CCDC82: variants seen among roughly 807,000 people sequenced by gnomAD.
CCDC82 encodes coiled-coil domain-containing protein 82.
In CCDC82, 47 loss-of-function variants were observed where a neutral mutation model predicts 60.6. The observed-to-expected ratio is 0.77, with a 90% CI of 0.61 to 0.99. CCDC82 has a LOEUF of 0.99. CCDC82 is among the 50% of genes least tolerant of loss of function. The pLI, the probability that CCDC82 is intolerant of heterozygous loss-of-function variation, is 0.00. For synonymous variants in CCDC82, 212 were observed against 207.4 expected (o/e 1.02, Z -0.19); for missense variants, 588 against 633.0 (o/e 0.93, Z 0.76).
chr11:96,368,263 A>G (rs542781263), intron 7 of CCDC82, among the ~76,000 whole-genome samples: 2 of 152,192 alleles, frequency 1.3e-5, no homozygotes, highest in Non-Finnish European at 2.9e-5. Context: ...GACCCGGTGC[A>G]CTGTCAATGA....
At chr11:96,360,121 T>TATATTA (rs1864565613) in intron 8 of CCDC82, among the ~76,000 whole-genome samples, 1 of 147,270 alleles carries the variant, frequency 6.8e-6, no homozygotes, top group Non-Finnish European at 1.5e-5. Flanking sequence ...ATATATTTAA[T>TATATTA]ATATATTAAT....
rs928531275 is a variant in CCDC82 at position 96,365,772 on chromosome 11, T to C, written c.1210-622A>G. Among the ~76,000 whole-genome samples, 3 of 152,222 alleles carry C rather than the reference T, an allele frequency of 2.0e-5. No individual in the cohort carries two copies. In the South Asian group the frequency reaches 6.2e-4, roughly 32 times the overall value. On this transcript the variant is annotated intron_variant, in intron 7 of 9. Transcript: ENST00000646818. Reference sequence around the variant, plus strand: ...ATAAATAAGCTTCATTATTAAGCTATGAAGTTACTTGTGCCTGAGTATTTC... The same window carrying C: ...ATAAATAAGCTTCATTATTAAGCTACGAAGTTACTTGTGCCTGAGTATTTC...
Position 96,361,870 on chromosome 11 carries a change from T to TA in CCDC82, c.1381-2693dup, listed in dbSNP as rs1442245905. Among the ~76,000 whole-genome samples, 4 of 152,236 alleles carry TA rather than the reference T, an allele frequency of 2.6e-5. No homozygotes were observed. The East Asian group carries it at 5.8e-4, about 22-fold the overall frequency. On this transcript the variant is annotated intron_variant, in intron 8 of 9. Coordinates refer to ENST00000646818, the MANE Select transcript of CCDC82 (RefSeq NM_024725.4). ...AACTATTCTAACAAGAAAATTAGTA[T>TA]AAAAAATACCAGAGAAAAATAGGTG...
rs572266188 is a variant in CCDC82 at position 96,369,365 on chromosome 11, T to C, written c.1209+1648A>G. On this transcript the variant is annotated intron_variant, in intron 7 of 9. Coordinates refer to ENST00000646818, the MANE Select transcript of CCDC82 (RefSeq NM_024725.4). ...AGCCTATCTGAACTTTTGACATGCTTTCCTCAAAAAGCTTAATCATTTCTC... is the reference window on the plus strand; with the variant it reads ...AGCCTATCTGAACTTTTGACATGCTCTCCTCAAAAAGCTTAATCATTTCTC... Among the ~76,000 whole-genome samples the C allele has an allele frequency of 2.6e-5, 4 of 152,360 alleles. No homozygotes were observed. In the South Asian group the frequency reaches 8.3e-4, roughly 32 times the overall value.
At chr11:96,385,888 T>C (rs1300831686) in intron 3 of CCDC82, 1 of 143,458 alleles carries the variant, frequency 7.0e-6, no homozygotes, top group Non-Finnish European at 1.5e-5. Flanking sequence ...TCAAACTACA[T>C]GTTAGAGGTA....
At chr11:96,357,128 GGACA>G (rs772957549) in intron 9 of CCDC82, 36 of 985,230 alleles carry the variant, frequency 3.7e-5, no homozygotes, top group African/African-American at 8.7e-5. Context: ...ACAGTGAGAG[GGACA>G]GACAGAGTGA....
chr11:96,382,667 T>A (rs185652617), intron 5 of CCDC82: 1 of 152,044 alleles, frequency 6.6e-6, no homozygotes, highest in East Asian at 1.9e-4. Flanking sequence ...GAAAACAGTA[T>A]CATTTGTCAA....
intron 8 of CCDC82, chr11:96,363,532 C>T (rs1020873532): frequency 3.3e-5 from 5 of 152,162 alleles, no homozygotes; most frequent in Non-Finnish European, 7.4e-5. Flanking sequence ...AGTGCAAATA[C>T]TAATTGTTAT....
intron 2 of CCDC82, 112 bp from the exon 3 acceptor site, chr11:96,386,405 CG>C (rs1866197016): frequency 6.6e-6 from 1 of 152,028 alleles, no homozygotes; most frequent in African/African-American, 2.4e-5. Context: ...AAAATCAGAA[CG>C]GGGGCTGCCA....
chr11:96,359,375 A>G (rs1864513280), intron 8 of CCDC82, 197 bp from the exon 9 acceptor site: 1 of 476,970 alleles, frequency 2.1e-6, no homozygotes. Flanking sequence ...TAGGCACTAG[A>G]GATATATAAA....
chr11:96,358,241 T>C, intron 9 of CCDC82: 1 of 1,050,658 alleles, frequency 9.5e-7, no homozygotes, highest in Non-Finnish European at 1.1e-6. Context: ...TGTTCTCTCT[T>C]ATACATTCAT....
chr11:96,374,528 G>A (rs1468352300), intron 5 of CCDC82, among the ~76,000 whole-genome samples: 1 of 152,158 alleles, frequency 6.6e-6, no homozygotes. Context: ...GACAATAGCA[G>A]ATCATTTGGC....
rs1591150012 is a variant in CCDC82, at chr11:96,353,574, T to C, written c.*72A>G. On this transcript the variant is annotated 3_prime_UTR_variant, in exon 10 of 10. Transcript: ENST00000646818. ...AGATAAAATGTACAAACATGTCACATGATACAGAAAAACAAGAATCATGAT... is the reference window on the plus strand; with the variant it reads ...AGATAAAATGTACAAACATGTCACACGATACAGAAAAACAAGAATCATGAT... 8.9e-7 allele frequency: 1 copy of C among 1,128,744 alleles called. No individual in the cohort carries two copies. The highest frequency in any genetic ancestry group is 1.3e-6 in the Non-Finnish European group (1 of 747,926). The allele number at this position is 1,128,744 out of a possible 1,614,324, so 69.9% of individuals were successfully genotyped here. A position where few individuals can be genotyped will look rare whatever the true frequency, so the allele number is the denominator to read the frequency against.
chr11:96,372,739 A>AAT lies in CCDC82; in HGVS notation c.1084+634_1084+635dup, dbSNP rs1446620533. Among the ~76,000 whole-genome samples, 572 of 145,890 alleles carry AAT rather than the reference A, an allele frequency of 3.9e-3. 4 individuals carry two copies. Among genetic ancestry groups the AAT allele is most frequent in the African/African-American group, 0.011 (441 of 40,170 alleles). ...ATATATTTATATATATAAATATATA[A>AAT]ATATACGTATATTTATATATATATT... On this transcript the variant is annotated intron_variant, in intron 6 of 9. Transcript: ENST00000646818.
chr11:96,383,223 T>C, intron 5 of CCDC82, 46 bp downstream of exon 5: 2 of 1,098,362 alleles, frequency 1.8e-6, no homozygotes, highest in Non-Finnish European at 2.8e-6. Context: ...CTTGATAAAA[T>C]ATCATGAGAA....
chr11:96,365,961 G>A (rs1864923919), intron 7 of CCDC82, among the ~76,000 whole-genome samples: 1 of 152,172 alleles, frequency 6.6e-6, no homozygotes, highest in Non-Finnish European at 1.5e-5. Flanking sequence ...CCAATATACT[G>A]ACAGTTTACT....
chr11:96,359,591 C>T (rs1361194721), intron 8 of CCDC82, among the ~76,000 whole-genome samples: 2 of 142,158 alleles, frequency 1.4e-5, no homozygotes, highest in African/African-American at 2.6e-5. Context: ...TTGCCAAGTT[C>T]GGGGGAAAAA....
At chr11:96,357,783 A>C (rs1864422153) in intron 9 of CCDC82, 1 of 985,342 alleles carries the variant, frequency 1.0e-6, no homozygotes, top group Non-Finnish European at 1.2e-6. Flanking sequence ...AGGAAAATGA[A>C]GACGGGAAGT....
intron 8 of CCDC82, chr11:96,363,512 A>G (rs1362135712): frequency 6.6e-6 from 1 of 152,216 alleles, no homozygotes; most frequent in Non-Finnish European, 1.5e-5. Context: ...TTTTATATAG[A>G]TGCCTAGACA....
Sources: gnomAD v4.1 joint callset for allele counts (sites outside exome capture counted in the v4.1 genomes callset) on GRCh38, gnomAD v4.1.1 for gene constraint, MANE v1.5 for transcripts, NCBI Gene and HGNC (gene_info 2026-07-23, HGNC 2026-07-21) for gene names.